The following GSE1 variants were observed in gnomAD, a reference collection of about 807,000 sequenced individuals.
GSE1 encodes genetic suppressor element 1.
GSE1 carries 32 observed loss-of-function variants against 112.6 expected under a neutral mutation model. The observed-to-expected ratio is 0.28, with a 90% CI of 0.21 to 0.38. The LOEUF (loss-of-function observed/expected upper bound fraction) is 0.38. Ranked by LOEUF, GSE1 falls within the 10% of genes least tolerant of loss-of-function variation. The pLI is 1.00. For synonymous variants in GSE1, 1,115 were observed against 735.6 expected (o/e 1.52, Z -8.35); for missense variants, 2,348 against 1,699.2 (o/e 1.38, Z -6.71).
chr16:85,340,694 G>A (rs1018571717), intron 1 of GSE1, among the ~76,000 whole-genome samples: 8 of 152,184 alleles, frequency 5.3e-5, no homozygotes, highest in African/African-American at 1.9e-4. Context: ...ACCAGCTCCT[G>A]ATACCATTGT....
chr16:85,350,934 C>G (rs1043331865), intron 1 of GSE1, among the ~76,000 whole-genome samples: 1 of 152,208 alleles, frequency 6.6e-6, no homozygotes, highest in Non-Finnish European at 1.5e-5. Context: ...CGCCCACTAC[C>G]GTGCCCGGCT....
chr16:85,413,658 T>G (rs1449674671), intron 2 of GSE1, among the ~76,000 whole-genome samples: 3 of 152,080 alleles, frequency 2.0e-5, no homozygotes, highest in Non-Finnish European at 1.5e-5. Flanking sequence ...CTTATAAAAC[T>G]GACCCCCAAA....
intron 1 of GSE1, among the ~76,000 whole-genome samples, chr16:85,589,741 ATGAC>A (rs2046891685): frequency 6.6e-6 from 1 of 151,896 alleles, no homozygotes; most frequent in African/African-American, 2.4e-5. Context: ...GTGAATGTGG[ATGAC>A]TGAACATGTG....
At chr16:85,639,748 C>A (rs914042808) in intron 2 of GSE1, among the ~76,000 whole-genome samples, 1 of 152,252 alleles carries the variant, frequency 6.6e-6, no homozygotes, top group African/African-American at 2.4e-5. Flanking sequence ...GGAGCCTCCA[C>A]CGCCGCCCCC....
chr16:85,671,116 G>A lies in GSE1; in HGVS notation c.3519+18G>A, dbSNP rs1270404189. On this transcript the variant is annotated intron_variant, in intron 15 of 15. Transcript: ENST00000253458. ...GCGTGGCGGTGAGTTGGGAAGGGATGGAAACCTTCAAACACGCAACCTTTT... is the reference window on the plus strand; with the variant it reads ...GCGTGGCGGTGAGTTGGGAAGGGATAGAAACCTTCAAACACGCAACCTTTT... 12 of 1,434,568 alleles carry A rather than the reference G, an allele frequency of 8.4e-6. No individual in the cohort carries two copies. The highest frequency in any genetic ancestry group is 3.5e-5 in the South Asian group (3 of 86,814). 88.9% of individuals were successfully genotyped at this position (1,434,568 alleles called of 1,614,324 possible).
intron 2 of GSE1, among the ~76,000 whole-genome samples, chr16:85,534,568 G>A (rs1039006010): frequency 6.6e-6 from 1 of 152,126 alleles, no homozygotes; most frequent in African/African-American, 2.4e-5. Context: ...TCCTTTTTAA[G>A]GCAGAGCCAT....
chr16:85,227,312 C>T (rs1170034807), intron 1 of GSE1, among the ~76,000 whole-genome samples: 1 of 152,242 alleles, frequency 6.6e-6, no homozygotes. Context: ...TAGTGAGCAC[C>T]TGCTGTTCTC....
At chr16:85,530,049 G>A (rs184051300) in intron 2 of GSE1, among the ~76,000 whole-genome samples, 23 of 152,294 alleles carry the variant, frequency 1.5e-4, no homozygotes, top group African/African-American at 4.8e-4. Context: ...TGTACCCAGC[G>A]TTCCTGCCCT....
chr16:85,636,674 C>T (rs527417758), intron 2 of GSE1, among the ~76,000 whole-genome samples: 5 of 106,794 alleles, frequency 4.7e-5, no homozygotes, highest in African/African-American at 1.2e-4. Context: ...TGTCCCACTG[C>T]TGCTGGGCCT....
At chr16:85,610,926 AG>A (rs1278820682), upstream of GSE1, among the ~76,000 whole-genome samples, 3 of 152,226 alleles carry the variant, frequency 2.0e-5, no homozygotes. Flanking sequence ...TAAAAAGCCG[AG>A]TGATGCACCT....
intron 2 of GSE1, among the ~76,000 whole-genome samples, chr16:85,451,326 TG>T (rs1274245901): frequency 6.6e-6 from 1 of 152,222 alleles, no homozygotes; most frequent in Admixed American, 6.5e-5. Flanking sequence ...TTTGCTAGGA[TG>T]TCATGTAGGC....
At chr16:85,327,969 T>A (rs1287465062) in intron 1 of GSE1, among the ~76,000 whole-genome samples, 6 of 152,182 alleles carry the variant, frequency 3.9e-5, no homozygotes, top group Non-Finnish European at 8.8e-5. Flanking sequence ...CCAGATCGCC[T>A]GGTACAGATC....
intron 3 of GSE1, among the ~76,000 whole-genome samples, chr16:85,652,620 G>A (rs2051465690): frequency 6.6e-6 from 1 of 152,294 alleles, no homozygotes; most frequent in East Asian, 1.9e-4. Flanking sequence ...GAGGGGAGGC[G>A]CCGGCCCGGG....
chr16:85,262,116 G>A (rs1471597531), intron 1 of GSE1, among the ~76,000 whole-genome samples: 2 of 152,158 alleles, frequency 1.3e-5, no homozygotes, highest in Admixed American at 1.3e-4. Flanking sequence ...TCCCCGGCGG[G>A]TGCTTGGAAT....
At chr16:85,390,759 C>T (rs1412683721) in intron 2 of GSE1, among the ~76,000 whole-genome samples, 1 of 144,180 alleles carries the variant, frequency 6.9e-6, no homozygotes, top group African/African-American at 2.6e-5. Context: ...CCAGCCCGAA[C>T]CCCGTGCTGG....
intron 2 of GSE1, among the ~76,000 whole-genome samples, chr16:85,526,162 C>G (rs79449912): frequency 6.6e-6 from 1 of 152,252 alleles, no homozygotes; most frequent in African/African-American, 2.4e-5. Flanking sequence ...TCTGCACCCC[C>G]ACCCTGTGCT....
chr16:85,315,297 C>G (rs1410347501), intron 1 of GSE1, among the ~76,000 whole-genome samples: 1 of 152,180 alleles, frequency 6.6e-6, no homozygotes, highest in Non-Finnish European at 1.5e-5. Context: ...TCCTGCAGTC[C>G]GGTCTCACTT....
At chr16:85,551,581 G>GA (rs2044919280), upstream of GSE1, among the ~76,000 whole-genome samples, 2 of 152,216 alleles carry the variant, frequency 1.3e-5, no homozygotes, top group African/African-American at 4.8e-5. Context: ...GCACGGTGGG[G>GA]TTGCTTTCTG....
chr16:85,287,936 T>C (rs2045087694), intron 1 of GSE1, among the ~76,000 whole-genome samples: 1 of 151,968 alleles, frequency 6.6e-6, no homozygotes, highest in East Asian at 1.9e-4. Flanking sequence ...GAAATGGAGA[T>C]CATCATGAAA....
Sources: allele counts gnomAD v4.1 joint callset (sites outside exome capture counted in the v4.1 genomes callset), GRCh38; gene constraint gnomAD v4.1.1; transcripts MANE v1.5; gene names NCBI Gene and HGNC (gene_info 2026-07-23, HGNC 2026-07-21).